SNTG1: variants seen among roughly 807,000 people sequenced by gnomAD.
SNTG1 encodes syntrophin gamma 1.
A neutral mutation model predicts 74.7 loss-of-function variants in SNTG1; 39 were observed. The observed-to-expected ratio is 0.52, with a 90% CI of 0.40 to 0.68. The LOEUF is 0.68. SNTG1 is among the 30% of genes least tolerant of loss of function. The probability of loss-of-function intolerance (pLI) is 0.00; values close to 1 mark genes in which losing one functional copy is unlikely to be tolerated. For missense variants in SNTG1, 685 were observed against 609.5 expected (o/e 1.12, Z -1.30); for synonymous variants, 254 against 217.1 (o/e 1.17, Z -1.49).
At chr8:50,390,360 T>C (rs996576704) in intron 2 of SNTG1, among the ~76,000 whole-genome samples, 4 of 152,216 alleles carry the variant, frequency 2.6e-5, no homozygotes, top group African/African-American at 9.7e-5. Flanking sequence ...CCATTTTTTG[T>C]CAAAGATCAG....
At chr8:50,765,614 T>G (rs955732410) in intron 18 of SNTG1, among the ~76,000 whole-genome samples, 6 of 152,046 alleles carry the variant, frequency 3.9e-5, no homozygotes, top group African/African-American at 1.4e-4. Context: ...CATAGTACTA[T>G]GTTTATTTTT....
At chr8:50,063,458 C>A (rs763222017) in intron 1 of SNTG1, among the ~76,000 whole-genome samples, 2 of 152,156 alleles carry the variant, frequency 1.3e-5, no homozygotes, top group Non-Finnish European at 2.9e-5. Context: ...TAAATGTCAT[C>A]AGGCCATGAA....
chr8:50,705,145 C>T, intron 16 of SNTG1, among the ~76,000 whole-genome samples: 1 of 152,142 alleles, frequency 6.6e-6, no homozygotes, highest in East Asian at 1.9e-4. Flanking sequence ...TTTCCCTTTG[C>T]CTCCATCCTT....
chr8:49,950,772 A>G (rs999433814), intron 1 of SNTG1, among the ~76,000 whole-genome samples: 1 of 152,124 alleles, frequency 6.6e-6, no homozygotes, highest in African/African-American at 2.4e-5. Context: ...GGCATGCAAA[A>G]AGGCTGTGGA....
At chr8:50,503,017 T>C in intron 9 of SNTG1, 137 bp downstream of exon 9, 2 of 634,706 alleles carry the variant, frequency 3.2e-6, no homozygotes, top group Non-Finnish European at 5.4e-6. Context: ...TACAAAGTGT[T>C]CTACTAACCT....
chr8:50,053,737 T>C (rs1819784882), intron 1 of SNTG1, among the ~76,000 whole-genome samples: 1 of 150,980 alleles, frequency 6.6e-6, no homozygotes, highest in Admixed American at 6.6e-5. Flanking sequence ...CACATGAACT[T>C]GTTCAATGAC....
At chr8:50,504,435 A>G (rs1026280737) in intron 9 of SNTG1, among the ~76,000 whole-genome samples, 1 of 152,188 alleles carries the variant, frequency 6.6e-6, no homozygotes, top group Non-Finnish European at 1.5e-5. Flanking sequence ...TTTTATTACA[A>G]TAAGTACTTA....
At chr8:50,452,077 G>A (rs953904800) in intron 8 of SNTG1, among the ~76,000 whole-genome samples, 1 of 152,182 alleles carries the variant, frequency 6.6e-6, no homozygotes, top group Non-Finnish European at 1.5e-5. Context: ...GCAACCTCAA[G>A]TGTCTGTGAA....
At chr8:50,239,654 A>T (rs1392980619) in intron 2 of SNTG1, among the ~76,000 whole-genome samples, 1 of 152,132 alleles carries the variant, frequency 6.6e-6, no homozygotes, top group Admixed American at 6.5e-5. Context: ...ATCACTGCTG[A>T]CTTCACCAGG....
intron 2 of SNTG1, among the ~76,000 whole-genome samples, chr8:50,363,357 C>T (rs1023099113): frequency 6.6e-6 from 1 of 152,142 alleles, no homozygotes; most frequent in African/African-American, 2.4e-5. Context: ...CAGTTGTGGC[C>T]TATGTGCAGG....
chr8:50,401,002 A>G (rs2092797394), intron 3 of SNTG1, among the ~76,000 whole-genome samples: 2 of 152,160 alleles, frequency 1.3e-5, no homozygotes, highest in Non-Finnish European at 2.9e-5. Context: ...TGTATATGCT[A>G]ATTATCATGA....
chr8:50,313,357 C>G lies in SNTG1; in HGVS notation c.-27-80855C>G, dbSNP rs182932877. The stretch of plus-strand genomic sequence containing the variant: ...GAAAGCTTCCGCACTGCAAAGGAAA[C>G]AATTTAACAGGGCAGAAAGACAACC... On this transcript the variant is annotated intron_variant, in intron 2 of 18. Transcript: ENST00000642720. Among the ~76,000 whole-genome samples, 39 of 149,504 alleles carry G rather than the reference C, an allele frequency of 2.6e-4. 4 individuals are homozygous for G. The highest frequency in any genetic ancestry group is 2.2e-3 in the South Asian group (10 of 4,498).
chr8:50,574,276 C>G (rs965398174), intron 12 of SNTG1, among the ~76,000 whole-genome samples: 1 of 152,026 alleles, frequency 6.6e-6, no homozygotes, highest in Non-Finnish European at 1.5e-5. Context: ...TTAGTATATT[C>G]TTTCACTTAA....
At chr8:50,762,434 A>C (rs886337723) in intron 18 of SNTG1, 4 of 262,322 alleles carry the variant, frequency 1.5e-5, no homozygotes, top group African/African-American at 9.0e-5. Context: ...AGTATGGTGG[A>C]CATAAAAAAC....
chr8:50,164,697 A>G (rs1391510685), intron 1 of SNTG1, among the ~76,000 whole-genome samples: 1 of 152,328 alleles, frequency 6.6e-6, no homozygotes, highest in Non-Finnish European at 1.5e-5. Context: ...TATGCACTCA[A>G]ATATGTAGTG....
intron 1 of SNTG1, among the ~76,000 whole-genome samples, chr8:50,047,425 T>C (rs1819189443): frequency 1.3e-5 from 2 of 152,092 alleles, no homozygotes; most frequent in African/African-American, 2.4e-5. Flanking sequence ...TAAACTTATA[T>C]TTTTTCATAT....
chr8:49,973,040 T>C (rs2129985745), intron 1 of SNTG1, among the ~76,000 whole-genome samples: 1 of 152,268 alleles, frequency 6.6e-6, no homozygotes, highest in East Asian at 1.9e-4. Flanking sequence ...TTATAAATCA[T>C]ACTGCTATAA....
intron 13 of SNTG1, among the ~76,000 whole-genome samples, chr8:50,606,357 T>C (rs1374837889): frequency 6.6e-6 from 1 of 152,120 alleles, no homozygotes; most frequent in Non-Finnish European, 1.5e-5. Context: ...TAGTTTCCAG[T>C]GTATACATAT....
intron 2 of SNTG1, among the ~76,000 whole-genome samples, chr8:50,177,489 C>A (rs546907465): frequency 2.0e-5 from 3 of 152,170 alleles, no homozygotes; most frequent in African/African-American, 7.2e-5. Context: ...ACTATTCCCA[C>A]GGAGGAGGAG....
Sources: gnomAD v4.1 joint callset for allele counts (sites outside exome capture counted in the v4.1 genomes callset) on GRCh38, gnomAD v4.1.1 for gene constraint, MANE v1.5 for transcripts, NCBI Gene and HGNC (gene_info 2026-07-23, HGNC 2026-07-21) for gene names.